The following GALNT9 variants were observed in gnomAD, a reference collection of about 807,000 sequenced individuals.
GALNT9 encodes the protein GalNAc transferase 9.
In GALNT9, 47 loss-of-function variants were observed where a neutral mutation model predicts 63.1. That is an observed-to-expected ratio of 0.75 (90% CI 0.59 to 0.95). The LOEUF is 0.95. Ranked by LOEUF, GALNT9 falls within the 40% of genes least tolerant of loss-of-function variation. The probability of loss-of-function intolerance (pLI) is 0.00; values close to 1 mark genes in which losing one functional copy is unlikely to be tolerated. For synonymous variants in GALNT9, 396 were observed against 365.7 expected, an observed-to-expected ratio of 1.08 and a Z score of -0.94; for missense variants, 829 against 874.8, an observed-to-expected ratio of 0.95 and a Z score of 0.66.
In GALNT9 at chr12:132,197,083, G is replaced by T. The variant is rs906082778; in HGVS notation, c.*24C>A. 2 of 1,612,876 alleles carry T rather than the reference G, an allele frequency of 1.2e-6. No homozygotes were observed. The highest frequency in any genetic ancestry group is 1.1e-5 in the South Asian group (1 of 91,032). ...TCGGCCCAGCGCCTTCCCGAGGTCT[G>T]TGGGGGTCCGGGCGGAGGTGGGGTC... is the stretch of plus-strand genomic sequence containing the variant. On this transcript the variant is annotated 3_prime_UTR_variant, in exon 11 of 11. Transcript: ENST00000328957.
intron 2 of GALNT9, among the ~76,000 whole-genome samples, chr12:132,267,962 CAT>C (rs1208669895): frequency 2.0e-5 from 3 of 151,456 alleles, no homozygotes; most frequent in Admixed American, 2.0e-4. Flanking sequence ...CAGTCACACA[CAT>C]GCACACAAAC....
chr12:132,229,396 G>A (rs1350340104), intron 6 of GALNT9, among the ~76,000 whole-genome samples: 5 of 152,232 alleles, frequency 3.3e-5, no homozygotes, highest in African/African-American at 1.2e-4. Flanking sequence ...AGTCTGTTCA[G>A]CCAATGAATA....
chr12:132,240,803 C>CTA, intron 6 of GALNT9: 3 of 429,986 alleles, frequency 7.0e-6, no homozygotes, highest in South Asian at 1.7e-5. Context: ...TACACACATG[C>CTA]CACACACCCT....
Position 132,243,736 on chromosome 12 carries a change from C to G in GALNT9, c.1077+4174G>C, listed in dbSNP as rs112932219. ...CTCCACGTGTCCATCGTGGCTCTCC[C>G]CAACATGCCACCACGCACCGGCTGG... is the stretch of plus-strand genomic sequence containing the variant. On this transcript the variant is annotated intron_variant, in intron 6 of 10. Transcript: ENST00000328957. 3.5e-3 allele frequency among the ~76,000 whole-genome samples: 537 copies of G among 152,292 alleles called. 2 individuals are homozygous for G. Among genetic ancestry groups the G allele is most frequent in the African/African-American group, 0.012 (506 of 41,566 alleles).
At chr12:132,240,623 G>A (rs2136898907) in intron 6 of GALNT9, 7 of 454,804 alleles carry the variant, frequency 1.5e-5, no homozygotes, top group South Asian at 9.3e-5. Flanking sequence ...GGGCTCGGCT[G>A]TGCTCTATGG....
intron 6 of GALNT9, chr12:132,240,523 G>A (rs1555236839): frequency 2.3e-6 from 1 of 435,236 alleles, no homozygotes. Flanking sequence ...CGCTGGCAGT[G>A]CTGCTGTGGG....
Position 132,246,224 on chromosome 12 carries a change from C to T in GALNT9, c.1077+1686G>A, listed in dbSNP as rs782644281. Among the ~76,000 whole-genome samples the T allele has an allele frequency of 1.1e-4, 16 of 152,332 alleles. No homozygotes were observed. The highest frequency in any genetic ancestry group is 2.0e-4 in the Admixed American group (3 of 15,300). ...TTAAAGAACCTGCCAGATTAACTTCCAGCTTCCATTTTAAAAATGTGTAAT... is the reference window on the plus strand; with the variant it reads ...TTAAAGAACCTGCCAGATTAACTTCTAGCTTCCATTTTAAAAATGTGTAAT... On this transcript the variant is annotated intron_variant, in intron 6 of 10. Coordinates refer to ENST00000328957, the MANE Select transcript of GALNT9 (RefSeq NM_001122636.2). This position sits in a 1 kb window ranked among gnomAD's most constrained non-coding sequence, Gnocchi z 4.7.
intron 6 of GALNT9, among the ~76,000 whole-genome samples, chr12:132,222,749 G>A (rs992965691): frequency 1.3e-5 from 2 of 151,816 alleles, no homozygotes; most frequent in African/African-American, 2.4e-5. Context: ...CAAGACCTGG[G>A]AGGCCGCTTT....
intron 7 of GALNT9, among the ~76,000 whole-genome samples, chr12:132,203,151 T>C (rs7487493): frequency 0.6 from 90,643 of 152,078 alleles, 27,233 homozygotes; most frequent in Non-Finnish European, 0.62. Context: ...TGACAGGTGC[T>C]GTGCAGGGCA....
At chr12:132,219,147 C>T (rs1031302207) in intron 6 of GALNT9, among the ~76,000 whole-genome samples, 5 of 152,144 alleles carry the variant, frequency 3.3e-5, no homozygotes, top group Admixed American at 2.0e-4. Context: ...GTCCCTTGAT[C>T]GGCAGAACGA....
chr12:132,219,014 G>A (rs1035331805), intron 6 of GALNT9, among the ~76,000 whole-genome samples: 9 of 151,990 alleles, frequency 5.9e-5, no homozygotes, highest in East Asian at 1.9e-4. Context: ...GGGGAGGGGC[G>A]CCCCGCATTT....
At chr12:132,283,955 T>G (rs1278498505) in intron 2 of GALNT9, 1 of 151,776 alleles carries the variant, frequency 6.6e-6, no homozygotes, top group Non-Finnish European at 1.5e-5. Context: ...GCCACACAGC[T>G]GCCTGGAGGC....
intron 5 of GALNT9, among the ~76,000 whole-genome samples, chr12:132,256,731 C>G (rs67863906): frequency 0.83 from 126,100 of 151,446 alleles, 53,511 homozygotes; most frequent in Non-Finnish European, 0.92. Flanking sequence ...AAGGAGCTGC[C>G]GGTTTTCCAA....
At position 132,248,011 on chromosome 12, in the gene GALNT9, C is replaced by G; in HGVS notation, c.976G>C (p.Gly326Arg). Reference sequence around the variant, plus strand: ...TCGCGGTCCACTACGAAGGAGCAGCCGATCATGGCTGGGGTCCTGGGAGGC... The same window carrying G: ...TCGCGGTCCACTACGAAGGAGCAGCGGATCATGGCTGGGGTCCTGGGAGGC... ...SAPIRTPAMIGCSFVVDREYF... is the reference protein window; with the variant it reads ...SAPIRTPAMIRCSFVVDREYF... Residue 326 changes from glycine to arginine, a missense_variant, in exon 6 of 11, where the codon GGC (glycine) becomes CGC (arginine). Coordinates refer to ENST00000328957, the MANE Select transcript of GALNT9 (RefSeq NM_001122636.2). 1 of 1,551,150 alleles carries G rather than the reference C, an allele frequency of 6.4e-7. No homozygotes were observed. Among genetic ancestry groups the G allele is most frequent in the African/African-American group, 1.4e-5 (1 of 73,192 alleles).
chr12:132,201,554 C>G (rs1022974037), intron 7 of GALNT9, among the ~76,000 whole-genome samples: 4 of 152,212 alleles, frequency 2.6e-5, no homozygotes, highest in Non-Finnish European at 5.9e-5. Context: ...CCAGGAACCT[C>G]CTGCCTGAGA....
chr12:132,235,110 G>A lies in GALNT9; in HGVS notation c.1077+12800C>T, dbSNP rs1337868877. Among the ~76,000 whole-genome samples, 22 of 100,390 alleles carry A rather than the reference G, an allele frequency of 2.2e-4. 1 individual carries two copies. Among genetic ancestry groups the A allele is most frequent in the African/African-American group, 9.6e-4 (19 of 19,878 alleles). 65.9% of individuals were successfully genotyped at this position (100,390 alleles called of 152,430 possible). On this transcript the variant is annotated intron_variant, in intron 6 of 10. Transcript: ENST00000328957. ...TCCCTAGTGCCACACACTCGATGGC[G>A]TGAGAGAGGAGACAGCGTGGAGTCC...
intron 2 of GALNT9, among the ~76,000 whole-genome samples, chr12:132,271,618 G>A (rs1489910328): frequency 2.0e-5 from 3 of 152,130 alleles, no homozygotes; most frequent in African/African-American, 7.2e-5. Context: ...GCTGTGCCCT[G>A]CTTTTTAGAC....
At chr12:132,269,868 C>T (rs782137354) in intron 2 of GALNT9, among the ~76,000 whole-genome samples, 5 of 152,166 alleles carry the variant, frequency 3.3e-5, no homozygotes, top group South Asian at 2.1e-4. Flanking sequence ...GGGAGATGGG[C>T]GCACGGGATC....
rs2136898188 is a variant in GALNT9 at position 132,240,378 on chromosome 12, C to T, written c.1077+7532G>A. 7.7e-5 allele frequency: 27 copies of T among 352,394 alleles called. No individual in the cohort carries two copies. The East Asian group carries it at 2.0e-3, about 25-fold the overall frequency. The allele number at this position is 352,394 out of a possible 1,614,324, so 21.8% of individuals were successfully genotyped here. ...ACCCCACTGTACACCCCATGCTGGC[C>T]AGGTGGCTGGTGAAAGGGACCCTTT... is the stretch of plus-strand genomic sequence containing the variant. On this transcript the variant is annotated intron_variant, in intron 6 of 10. Transcript: ENST00000328957.
Sources: allele counts gnomAD v4.1 joint callset (sites outside exome capture counted in the v4.1 genomes callset), GRCh38; gene constraint gnomAD v4.1.1; non-coding constraint Gnocchi (gnomAD v3.1); transcripts MANE v1.5; gene names NCBI Gene and HGNC (gene_info 2026-07-23, HGNC 2026-07-21).